The following NCOA6 variants were observed in gnomAD, a reference collection of about 807,000 sequenced individuals.
NCOA6 encodes NRC RAP250.
In NCOA6, 49 loss-of-function variants were observed where a neutral mutation model predicts 171.4. The ratio of observed to expected loss-of-function variants is 0.29; its 90% CI spans 0.23 to 0.36. The LOEUF is 0.36. NCOA6 is among the 10% of genes least tolerant of loss of function. The pLI, the probability that NCOA6 is intolerant of heterozygous loss-of-function variation, is 1.00. For missense variants in NCOA6, 2,248 were observed against 2,554.5 expected, an observed-to-expected ratio of 0.88 and a Z score of 2.59; for synonymous variants, 910 against 927.5, an observed-to-expected ratio of 0.98 and a Z score of 0.34.
intron 4 of NCOA6, among the ~76,000 whole-genome samples, chr20:34,773,300 T>G (rs770979488): frequency 2.0e-5 from 3 of 152,090 alleles, no homozygotes; most frequent in Non-Finnish European, 4.4e-5. Context: ...GCACAAAATG[T>G]CCTCAAAAAA....
intron 6 of NCOA6, 106 bp downstream of exon 6, chr20:34,758,699 T>C: frequency 4.9e-6 from 7 of 1,417,296 alleles, no homozygotes; most frequent in Non-Finnish European, 5.8e-6. Flanking sequence ...AAGGTTGACA[T>C]TGTGAGTTTG....
intron 13 of NCOA6, among the ~76,000 whole-genome samples, chr20:34,729,936 G>C (rs1367499877): frequency 6.6e-6 from 1 of 152,180 alleles, no homozygotes; most frequent in Non-Finnish European, 1.5e-5. Flanking sequence ...GAGAGGTGAG[G>C]CTGGAGCTGG....
In NCOA6 at chr20:34,750,251, C is replaced by G; in HGVS notation, c.1944G>C (p.Met648Ile). ...GCATAAGCTGGGCCCTTGAAAGGAT[C>G]ATAGGGTTCTGAGGGTTCAAGGTTC... ...QQGTLNPQNP[M>I]ILSRAQLMPQ... Residue 648 changes from methionine to isoleucine, a missense_variant, in exon 9 of 15, where the codon ATG becomes ATC. Met to Ile is a conservative substitution (Grantham distance 10, BLOSUM62 1). Coordinates refer to ENST00000359003, the MANE Select transcript of NCOA6 (RefSeq NM_014071.5). 6.2e-7 allele frequency: 1 copy of G among 1,611,088 alleles called. No homozygotes were observed.
rs747886425 is a variant in NCOA6, at chr20:34,757,953, T to TTGC, written c.792_794dup (p.Gln285dup). The TTGC allele has an allele frequency of 6.8e-6, 11 of 1,613,318 alleles. No homozygotes were observed. The highest frequency in any genetic ancestry group is 4.5e-5 in the East Asian group (2 of 44,888). On this transcript the variant is annotated inframe_insertion, in exon 7 of 15. Transcript: ENST00000359003. ...GCTGCTGCTGCTGCTGTTGTTGTTG[T>TTGC]TGCTGCTGCTGCTGCAGCTGGGGAA...
In NCOA6 at chr20:34,741,829, T is replaced by C; in HGVS notation, c.4427A>G (p.Asn1476Ser). ...DPNKLPSVEE[N>S]KNLVSPAMRE... ...CATAGCAGGAGACACCAAATTTTTG[T>C]TCTCTTCGACACTGGGAAGTTTGTT... Residue 1476 changes from asparagine to serine, a missense_variant, in exon 11 of 15, where the codon AAC (asparagine) becomes AGC (serine). This residue lies in a region of NCOA6 where 884 missense variants were observed against 941.9 expected (regional missense o/e 0.94). Coordinates refer to ENST00000359003, the MANE Select transcript of NCOA6 (RefSeq NM_014071.5). The C allele has an allele frequency of 1.9e-6, 3 of 1,614,188 alleles. No individual in the cohort carries two copies. The highest frequency in any genetic ancestry group is 2.5e-6 in the Non-Finnish European group (3 of 1,180,032).
At chr20:34,808,492 G>A (rs1742813687) in intron 1 of NCOA6, among the ~76,000 whole-genome samples, 1 of 146,598 alleles carries the variant, frequency 6.8e-6, no homozygotes, top group Non-Finnish European at 1.5e-5. Context: ...AGGCTGGAGT[G>A]CAATGGTGCG....
chr20:34,814,244 T>G (rs1294805635), intron 1 of NCOA6, among the ~76,000 whole-genome samples: 1 of 151,824 alleles, frequency 6.6e-6, no homozygotes, highest in Non-Finnish European at 1.5e-5. Flanking sequence ...GAGGCTGAGG[T>G]AGGAGAACTG....
intron 5 of NCOA6, among the ~76,000 whole-genome samples, chr20:34,768,237 A>G (rs1230453744): frequency 6.6e-6 from 1 of 152,208 alleles, no homozygotes; most frequent in South Asian, 2.1e-4. Context: ...TGTTTGCTGC[A>G]TGGCTCAGTG....
intron 2 of NCOA6, among the ~76,000 whole-genome samples, chr20:34,783,291 AG>A (rs945129958): frequency 3.3e-5 from 5 of 152,066 alleles, no homozygotes; most frequent in African/African-American, 1.2e-4. Flanking sequence ...CAAAAAAAAA[AG>A]GGGGTTGATA....
At position 34,776,015 on chromosome 20, in the gene NCOA6, G is replaced by T. The variant is rs1032506626; in HGVS notation, c.391+278C>A. On this transcript the variant is annotated intron_variant, in intron 4 of 14. Transcript: ENST00000359003. ...ATAAGACAAATCAATTCCTGGTCAG[G>T]ATGCCAATAAAATCAAAGTCTGAAA... Among the ~76,000 whole-genome samples the T allele has an allele frequency of 2.6e-5, 4 of 152,306 alleles. No homozygotes were observed. The South Asian group carries it at 6.2e-4, about 24-fold the overall frequency.
intron 13 of NCOA6, among the ~76,000 whole-genome samples, chr20:34,727,670 A>T (rs1002851000): frequency 1.3e-5 from 2 of 152,042 alleles, no homozygotes; most frequent in Non-Finnish European, 2.9e-5. Flanking sequence ...CTGGTAAAAG[A>T]CATAAAAAAA....
At chr20:34,811,826 C>T (rs2078674697) in intron 1 of NCOA6, among the ~76,000 whole-genome samples, 1 of 152,214 alleles carries the variant, frequency 6.6e-6, no homozygotes, top group Admixed American at 6.5e-5. Context: ...TTCAGGATAA[C>T]TTATAAGACA....
intron 13 of NCOA6, among the ~76,000 whole-genome samples, chr20:34,728,805 T>G (rs994061623): frequency 6.6e-6 from 1 of 152,204 alleles, no homozygotes; most frequent in Non-Finnish European, 1.5e-5. Flanking sequence ...GATTATTTAA[T>G]GACAAAACGA....
intron 2 of NCOA6, among the ~76,000 whole-genome samples, chr20:34,785,769 A>G (rs986290946): frequency 2.6e-5 from 4 of 152,108 alleles, no homozygotes; most frequent in African/African-American, 9.7e-5. Context: ...CTCCCTAAAC[A>G]GGTCGTTGGT....
At chr20:34,724,166 T>C (rs926137859) in intron 14 of NCOA6, among the ~76,000 whole-genome samples, 2 of 152,216 alleles carry the variant, frequency 1.3e-5, no homozygotes, top group South Asian at 4.1e-4. Flanking sequence ...ATTGGCTTCA[T>C]ATCTCCACCT....
chr20:34,717,729 C>T (rs1988780734), intron 14 of NCOA6, among the ~76,000 whole-genome samples: 1 of 152,110 alleles, frequency 6.6e-6, no homozygotes, highest in African/African-American at 2.4e-5. Flanking sequence ...CACATAACTC[C>T]CTAAAATCAA....
At chr20:34,778,964 A>G (rs2077433479) in intron 3 of NCOA6, among the ~76,000 whole-genome samples, 1 of 100,254 alleles carries the variant, frequency 1.0e-5, no homozygotes, top group African/African-American at 3.5e-5. Flanking sequence ...GTTTCAAAAA[A>G]AAAAAAAAAA....
rs373635286 is a variant in NCOA6, at chr20:34,808,531, C to T, written c.-163-15968G>A. ...TTGGCTCACTGCAACCTCTGCCTCC[C>T]GGATTCAAGCGATTCTCCTGCCTCA... is the stretch of plus-strand genomic sequence containing the variant. On this transcript the variant is annotated intron_variant, in intron 1 of 14. Coordinates refer to ENST00000359003, the MANE Select transcript of NCOA6 (RefSeq NM_014071.5). Among the ~76,000 whole-genome samples, 13 of 151,478 alleles carry T rather than the reference C, an allele frequency of 8.6e-5. No homozygotes were observed. In the East Asian group the frequency reaches 1.4e-3, roughly 16 times the overall value.
chr20:34,785,502 C>A (rs902968580), intron 2 of NCOA6, among the ~76,000 whole-genome samples: 2 of 151,108 alleles, frequency 1.3e-5, no homozygotes, highest in Non-Finnish European at 2.9e-5. Flanking sequence ...TACCACTGCC[C>A]TTATTTGATT....
Sources: allele counts gnomAD v4.1 joint callset (sites outside exome capture counted in the v4.1 genomes callset), GRCh38; gene constraint gnomAD v4.1.1; regional missense constraint gnomAD v4.1.1; transcripts MANE v1.5; gene names NCBI Gene and HGNC (gene_info 2026-07-23, HGNC 2026-07-21).